Variants in PRKN observed in about 807,000 individuals in gnomAD.
The protein encoded by PRKN is E3 ubiquitin-protein ligase parkin.
Under a neutral mutation model 59.5 loss-of-function variants are expected in PRKN, and 56 were observed. The ratio of observed to expected loss-of-function variants is 0.94; its 90% CI spans 0.76 to 1.18. The LOEUF is 1.18. PRKN is among the 50% of genes most tolerant of loss of function. The pLI, the probability that PRKN is intolerant of heterozygous loss-of-function variation, is 0.00. For synonymous variants in PRKN, 250 were observed against 222.1 expected (o/e 1.13, Z -1.12); for missense variants, 657 against 596.4 (o/e 1.10, Z -1.06).
rs1337159842 is a variant in PRKN at position 161,546,548 on chromosome 6, A to G, written c.1083+2306T>C. 6.6e-6 allele frequency among the ~76,000 whole-genome samples: 1 copy of G among 152,218 alleles called. No individual in the cohort carries two copies. Among genetic ancestry groups the G allele is most frequent in the Non-Finnish European group, 1.5e-5 (1 of 68,046 alleles). On this transcript the variant is annotated intron_variant, in intron 9 of 11. Coordinates refer to ENST00000366898, the MANE Select transcript of PRKN (RefSeq NM_004562.3). This position sits in a 1 kb window ranked among gnomAD's most constrained non-coding sequence, Gnocchi z 4.4. The stretch of plus-strand genomic sequence containing the variant: ...CTGGGGCAAAAAGACAGGGAGGGAA[A>G]GGAAGGCATACAGTTCAGTGCATCC...
intron 2 of PRKN, among the ~76,000 whole-genome samples, chr6:162,422,984 TAAG>T (rs1789056072): frequency 7.5e-6 from 1 of 132,820 alleles, no homozygotes; most frequent in South Asian, 2.5e-4. Context: ...AAAAGCATCA[TAAG>T]AAGGAAAGTA....
In PRKN at chr6:161,580,841, G is replaced by A. The variant is rs529595700; in HGVS notation, c.872-11425C>T. On this transcript the variant is annotated intron_variant, in intron 7 of 11. Transcript: ENST00000366898. ...ATGAAGCTCAATAGACACGGATATC[G>A]TTGGTGTGTCAAAGCTGAAGATTAT... Among the ~76,000 whole-genome samples the A allele has an allele frequency of 5.9e-5, 9 of 152,088 alleles. No homozygotes were observed. In the East Asian group the frequency reaches 9.7e-4, roughly 16 times the overall value.
chr6:162,240,595 A>ATTGTTGTTGT (rs1778944784), intron 3 of PRKN, among the ~76,000 whole-genome samples: 1 of 152,224 alleles, frequency 6.6e-6, no homozygotes, highest in Non-Finnish European at 1.5e-5. Context: ...GGAAGTAACA[A>ATTGTTGTTGT]TAACACCATG....
intron 9 of PRKN, among the ~76,000 whole-genome samples, chr6:161,520,135 C>T (rs1405012295): frequency 3.3e-5 from 5 of 151,434 alleles, no homozygotes; most frequent in Non-Finnish European, 7.4e-5. Context: ...TATGAGTCTT[C>T]GATGACAAAT....
chr6:161,991,543 T>A (rs1350551966), intron 5 of PRKN, among the ~76,000 whole-genome samples: 1 of 152,186 alleles, frequency 6.6e-6, no homozygotes, highest in African/African-American at 2.4e-5. Context: ...AAATGAATTT[T>A]AAAAAATGGC....
chr6:161,348,713 T>C lies in PRKN; in HGVS notation c.*1386A>G, dbSNP rs140107485. The C allele has an allele frequency of 2.4e-3, 514 of 210,392 alleles. 1 individual carries two copies. Among genetic ancestry groups the C allele is most frequent in the Middle Eastern group, 4.6e-3 (3 of 658 alleles). 13.0% of individuals were successfully genotyped at this position (210,392 alleles called of 1,614,324 possible). ...TACAGTCTCTAAATCCAAAAGGGCC[T>C]CCATGTGCTAGTGAGACTCATGCCC... is the stretch of plus-strand genomic sequence containing the variant. On this transcript the variant is annotated 3_prime_UTR_variant, in exon 12 of 12. Coordinates refer to ENST00000366898, the MANE Select transcript of PRKN (RefSeq NM_004562.3). The surrounding 1 kb of genome is among the most constrained non-coding windows in gnomAD (Gnocchi z 4.9).
intron 7 of PRKN, among the ~76,000 whole-genome samples, chr6:161,587,983 T>A (rs997851338): frequency 5.9e-5 from 9 of 152,210 alleles, no homozygotes; most frequent in Non-Finnish European, 1.2e-4. Context: ...TTGGGATTTC[T>A]GATTCAAAAT....
chr6:162,367,534 C>T (rs1785513266), intron 2 of PRKN, among the ~76,000 whole-genome samples: 1 of 152,110 alleles, frequency 6.6e-6, no homozygotes, highest in South Asian at 2.1e-4. Context: ...AAAACCCATG[C>T]TCATAAAATC....
intron 3 of PRKN, among the ~76,000 whole-genome samples, chr6:162,247,339 C>T (rs1386117667): frequency 6.6e-6 from 1 of 151,752 alleles, no homozygotes; most frequent in African/African-American, 2.4e-5. Context: ...GTATTTTTTC[C>T]CTAAAGCAAA....
At chr6:161,799,356 C>T (rs1169721496) in intron 6 of PRKN, among the ~76,000 whole-genome samples, 1 of 152,132 alleles carries the variant, frequency 6.6e-6, no homozygotes, top group East Asian at 1.9e-4. Flanking sequence ...GCGAGGCAAA[C>T]AACAATTTTT....
chr6:162,688,102 G>C (rs984379529), intron 1 of PRKN, among the ~76,000 whole-genome samples: 1 of 152,102 alleles, frequency 6.6e-6, no homozygotes, highest in Non-Finnish European at 1.5e-5. Context: ...GCCTGAATTT[G>C]AAATCAAGTC....
intron 2 of PRKN, among the ~76,000 whole-genome samples, chr6:162,278,364 G>C (rs1477399474): frequency 6.6e-6 from 1 of 152,118 alleles, no homozygotes; most frequent in Non-Finnish European, 1.5e-5. Context: ...TATGTTGATG[G>C]ATAAATATCA....
intron 2 of PRKN, among the ~76,000 whole-genome samples, chr6:162,292,932 T>G (rs959730335): frequency 6.6e-6 from 1 of 152,292 alleles, no homozygotes; most frequent in South Asian, 2.1e-4. Context: ...AGAGTGTCTA[T>G]GCACAGAGTC....
At chr6:162,262,367 A>G (rs1779924240) in intron 3 of PRKN, 158 bp downstream of exon 3, 1 of 843,936 alleles carries the variant, frequency 1.2e-6, no homozygotes, top group South Asian at 1.3e-5. Context: ...GTTACATCAA[A>G]GTACTCCACC....
At chr6:162,067,522 T>C (rs1286870332) in intron 4 of PRKN, among the ~76,000 whole-genome samples, 1 of 152,202 alleles carries the variant, frequency 6.6e-6, no homozygotes, top group Non-Finnish European at 1.5e-5. Context: ...GTTTTTACAA[T>C]TACAGAAGTT....
chr6:162,619,304 G>A (rs546842041), intron 1 of PRKN, among the ~76,000 whole-genome samples: 71 of 106,816 alleles, frequency 6.6e-4, no homozygotes, highest in Admixed American at 7.2e-4. Flanking sequence ...CACCACACCC[G>A]GCTAATTTTT....
rs981442037 is a variant in PRKN at position 161,538,804 on chromosome 6, A to G, written c.1083+10050T>C. ...GCTTGTAGAGAGATTTGATTGAATA[A>G]CTGATCGACTTAGCCTTTCCCAGTG... On this transcript the variant is annotated intron_variant, in intron 9 of 11. Coordinates refer to ENST00000366898, the MANE Select transcript of PRKN (RefSeq NM_004562.3). The surrounding 1 kb of genome is among the most constrained non-coding windows in gnomAD (Gnocchi z 4.2). Among the ~76,000 whole-genome samples, 2 of 152,192 alleles carry G rather than the reference A, an allele frequency of 1.3e-5. No individual in the cohort carries two copies. The highest frequency in any genetic ancestry group is 4.8e-5 in the African/African-American group (2 of 41,444).
chr6:162,283,320 G>C (rs1162274275), intron 2 of PRKN, among the ~76,000 whole-genome samples: 1 of 152,082 alleles, frequency 6.6e-6, no homozygotes, highest in Non-Finnish European at 1.5e-5. Flanking sequence ...TCCATTTTTG[G>C]AATGGCAGAG....
intron 1 of PRKN, among the ~76,000 whole-genome samples, chr6:162,506,240 T>C (rs1005631698): frequency 4.4e-5 from 1 of 22,986 alleles, no homozygotes; most frequent in Non-Finnish European, 8.9e-5. Context: ...CTTGGGAAAA[T>C]AAAGAGGAAG....
Sources: allele counts gnomAD v4.1 joint callset (sites outside exome capture counted in the v4.1 genomes callset), GRCh38; gene constraint gnomAD v4.1.1; non-coding constraint Gnocchi (gnomAD v3.1); transcripts MANE v1.5; gene names NCBI Gene and HGNC (gene_info 2026-07-23, HGNC 2026-07-21).